The following MEI1 variants were observed in gnomAD, a reference collection of about 807,000 sequenced individuals.
MEI1 encodes meiosis inhibitor protein 1.
In MEI1, 103 loss-of-function variants were observed where a neutral mutation model predicts 146.2. The observed-to-expected ratio is 0.70, with a 90% CI of 0.60 to 0.83. MEI1 has a LOEUF of 0.83. Among genes scored for constraint, MEI1 ranks in the 40% least tolerant of loss-of-function variants. The pLI, the probability that MEI1 is intolerant of heterozygous loss-of-function variation, is 0.00. For missense variants in MEI1, 1,529 were observed against 1,533.0 expected (o/e 1.00, Z 0.04); for synonymous variants, 652 against 628.2 (o/e 1.04, Z -0.57).
chr22:41,746,382 G>A (rs964899), intron 14 of MEI1, among the ~76,000 whole-genome samples: 126,711 of 152,152 alleles, frequency 0.83, 53,685 homozygotes, highest in African/African-American at 0.95. Context: ...TCATATTTCT[G>A]TAGTTATAAA....
intron 17 of MEI1, among the ~76,000 whole-genome samples, chr22:41,756,980 C>G (rs1477480843): frequency 6.6e-6 from 1 of 152,254 alleles, no homozygotes; most frequent in Non-Finnish European, 1.5e-5. Context: ...TCCAGTGACA[C>G]TGAATGGAAA....
intron 27 of MEI1, 132 bp downstream of exon 27, chr22:41,794,042 A>G: frequency 1.1e-6 from 1 of 885,508 alleles, no homozygotes; most frequent in Non-Finnish European, 1.8e-6. Flanking sequence ...TTTTAGCAGC[A>G]CTGCAAGGGC....
At chr22:41,734,595 AAAAC>A (rs893176074) in intron 11 of MEI1, among the ~76,000 whole-genome samples, 2 of 152,212 alleles carry the variant, frequency 1.3e-5, no homozygotes, top group African/African-American at 2.4e-5. Flanking sequence ...CTCCATCTCA[AAAAC>A]AAACAAACAA....
chr22:41,791,063 G>A (rs957081447), intron 26 of MEI1, among the ~76,000 whole-genome samples: 85 of 152,318 alleles, frequency 5.6e-4, no homozygotes, highest in African/African-American at 1.8e-3. Flanking sequence ...GCATGCTGGG[G>A]TGTGGGGTGT....
Position 41,718,129 on chromosome 22 carries a change from T to C in MEI1, c.588T>C (p.Ala196=), listed in dbSNP as rs2070384572. 1 of 1,613,642 alleles carries C rather than the reference T, an allele frequency of 6.2e-7. No individual in the cohort carries two copies. Among genetic ancestry groups the C allele is most frequent in the Non-Finnish European group, 8.5e-7 (1 of 1,179,896 alleles). ...GLVYPSEGIQ[A]SVCYLYGKLY... is the part of the protein sequence containing the mutation. The stretch of plus-strand genomic sequence containing the variant: ...TATACCCCAGTGAGGGCATACAAGC[T>C]TCTGTCTGTTACCTTTATGGGAAGC... The change falls in exon 6 of 31, where the codon GCT becomes GCC. Residue 196 remains alanine (A), a synonymous_variant. Coordinates refer to ENST00000401548, the MANE Select transcript of MEI1 (RefSeq NM_152513.4).
In MEI1 at chr22:41,752,602, T is replaced by G; in HGVS notation, c.1804T>G (p.Phe602Val). 1 of 1,598,512 alleles carries G rather than the reference T, an allele frequency of 6.3e-7. No homozygotes were observed. The highest frequency in any genetic ancestry group is 8.5e-7 in the Non-Finnish European group (1 of 1,172,586). Residue 602 changes from phenylalanine (F) to valine (V), a missense_variant, in exon 16 of 31, where the codon TTC (phenylalanine) becomes GTC (valine). By Grantham distance (50) the Phe-to-Val change is conservative. Transcript: ENST00000401548. ...KFSKKLASSS[F>V]IRLTLELKAR... ...CCACTTCTCTGAAGCTTCCTCATCC[T>G]TCATACGACTGACCCTGGAGCTGAA...
At chr22:41,719,113 G>A (rs932628499) in intron 6 of MEI1, among the ~76,000 whole-genome samples, 1 of 151,618 alleles carries the variant, frequency 6.6e-6, no homozygotes, top group Admixed American at 6.6e-5. Context: ...CTCCCGAGTA[G>A]CTGGGACTAC....
intron 7 of MEI1, among the ~76,000 whole-genome samples, chr22:41,726,613 C>G (rs1048506636): frequency 6.6e-6 from 1 of 152,092 alleles, no homozygotes; most frequent in Non-Finnish European, 1.5e-5. Flanking sequence ...TTTAACAGCT[C>G]TGAAATTGGG....
chr22:41,718,789 C>G (rs2070451628), intron 6 of MEI1, among the ~76,000 whole-genome samples: 1 of 152,096 alleles, frequency 6.6e-6, no homozygotes, highest in South Asian at 2.1e-4. Flanking sequence ...TTGGTGAAAC[C>G]CCTCTTGCTC....
chr22:41,719,982 T>G (rs2147396264), intron 6 of MEI1, among the ~76,000 whole-genome samples: 1 of 152,260 alleles, frequency 6.6e-6, no homozygotes, highest in South Asian at 2.1e-4. Flanking sequence ...TAGTGAGCAT[T>G]CGTTCTATAG....
chr22:41,755,659 C>T (rs1474882577), intron 17 of MEI1, among the ~76,000 whole-genome samples: 1 of 152,216 alleles, frequency 6.6e-6, no homozygotes, highest in East Asian at 1.9e-4. Context: ...CTTCTTAAAT[C>T]TCATTGTGCC....
intron 11 of MEI1, among the ~76,000 whole-genome samples, chr22:41,737,337 C>T (rs1263663868): frequency 4.6e-5 from 7 of 150,684 alleles, no homozygotes; most frequent in African/African-American, 7.3e-5. Flanking sequence ...CCTGGATTCA[C>T]GCCATTCTCC....
In MEI1 at chr22:41,776,115, C is replaced by T. The variant is rs762705138; in HGVS notation, c.2558C>T (p.Ser853Phe). 2 of 1,613,858 alleles carry T rather than the reference C, an allele frequency of 1.2e-6. No individual in the cohort carries two copies. The highest frequency in any genetic ancestry group is 1.3e-5 in the African/African-American group (1 of 74,920). ...TCTCCTGCTCAGGACCTCATCTATT[C>T]CAGCCCAGTGGACACAGCTCACAAG... ...ILLILLDLIYSSPVDTAHKVL... is the reference protein window; with the variant it reads ...ILLILLDLIYFSPVDTAHKVL... Residue 853 changes from serine to phenylalanine, a missense_variant, in exon 21 of 31, where the codon TCC becomes TTC. Transcript: ENST00000401548.
Position 41,770,817 on chromosome 22 carries a change from C to A in MEI1, c.2400C>A (p.Val800=), listed in dbSNP as rs746121270. 6.2e-7 allele frequency: 1 copy of A among 1,613,906 alleles called. No homozygotes were observed. The highest frequency in any genetic ancestry group is 1.7e-5 in the Admixed American group (1 of 59,994). The change falls in exon 20 of 31, where the codon GTC becomes GTA. Residue 800 remains valine, a synonymous_variant. Transcript: ENST00000401548. ...TCATGAGTAGGTATGGGCACCGTGTCCTGGAACTTTGGTTCTTCTGGGAAG... is the reference window on the plus strand; with the variant it reads ...TCATGAGTAGGTATGGGCACCGTGTACTGGAACTTTGGTTCTTCTGGGAAG... The part of the protein sequence containing the change: ...PELMSRYGHR[V]LELWFFWEES...
At chr22:41,765,883 CTTTTTTTTTT>C (rs1013045266) in intron 19 of MEI1, among the ~76,000 whole-genome samples, 8 of 86,134 alleles carry the variant, frequency 9.3e-5, no homozygotes, top group African/African-American at 3.7e-4. Context: ...CCAAAATGTT[CTTTTTTTTTT>C]TTTTTTTTTT....
chr22:41,741,530 C>G (rs2072867073), intron 11 of MEI1, among the ~76,000 whole-genome samples: 1 of 152,190 alleles, frequency 6.6e-6, no homozygotes, highest in South Asian at 2.1e-4. Context: ...TCAAATGGGC[C>G]TTAGGTGTTA....
intron 16 of MEI1, 140 bp from the exon 17 acceptor site, chr22:41,753,809 C>T (rs939853787): frequency 1.5e-6 from 1 of 659,264 alleles, no homozygotes; most frequent in Non-Finnish European, 2.7e-6. Context: ...CACCTTAAGA[C>T]CTCCTCTGCC....
chr22:41,744,829 A>C (rs2073167707), intron 12 of MEI1, 144 bp from the exon 13 acceptor site: 1 of 370,478 alleles, frequency 2.7e-6, no homozygotes, highest in African/African-American at 2.2e-5. Flanking sequence ...ATTTGCAAGG[A>C]TATAGCCAAG....
At chr22:41,762,921 G>T (rs1476270797) in intron 18 of MEI1, among the ~76,000 whole-genome samples, 4 of 152,174 alleles carry the variant, frequency 2.6e-5, no homozygotes, top group Non-Finnish European at 5.9e-5. Context: ...CTGGCAGATA[G>T]CTCACCTCCC....
Sources: allele counts gnomAD v4.1 joint callset (sites outside exome capture counted in the v4.1 genomes callset), GRCh38; gene constraint gnomAD v4.1.1; transcripts MANE v1.5; gene names NCBI Gene and HGNC (gene_info 2026-07-23, HGNC 2026-07-21).